The following C9orf85 variants were observed in gnomAD, a reference collection of about 807,000 sequenced individuals.
The protein encoded by C9orf85 is chromosome 9 open reading frame 85, also known as uncharacterized protein C9orf85.
Under a neutral mutation model 14.9 loss-of-function variants are expected in C9orf85, and 16 were observed. The ratio of observed to expected loss-of-function variants is 1.08; its 90% CI spans 0.73 to 1.63. The LOEUF is 1.63. C9orf85 is among the 40% of genes most tolerant of loss of function. C9orf85 has a pLI of 0.00. For missense variants in C9orf85, 172 were observed against 186.1 expected (o/e 0.92, Z 0.44); for synonymous variants, 45 against 56.8 (o/e 0.79, Z 0.93).
intron 2 of C9orf85, among the ~76,000 whole-genome samples, chr9:71,966,513 C>T (rs1034419175): frequency 1.3e-5 from 2 of 151,934 alleles, no homozygotes; most frequent in Non-Finnish European, 2.9e-5. Flanking sequence ...AATTTTTCCC[C>T]TGAAGTTTTG....
chr9:71,975,836 A>G (rs1824636362), downstream of C9orf85, among the ~76,000 whole-genome samples: 1 of 152,246 alleles, frequency 6.6e-6, no homozygotes, highest in African/African-American at 2.4e-5. Flanking sequence ...CTGTCTCAAA[A>G]GAAATAAATT....
intron 1 of C9orf85, among the ~76,000 whole-genome samples, chr9:71,920,670 C>T (rs1183791883): frequency 2.6e-5 from 4 of 152,180 alleles, no homozygotes; most frequent in African/African-American, 9.7e-5. Flanking sequence ...CAGAACACCC[C>T]AGCTGCCAGC....
intron 1 of C9orf85, among the ~76,000 whole-genome samples, chr9:71,922,300 T>G (rs991478883): frequency 3.3e-5 from 5 of 152,184 alleles, no homozygotes; most frequent in Non-Finnish European, 7.3e-5. Flanking sequence ...CTATTTGGTT[T>G]GTACATACCC....
chr9:71,946,869 C>A, intron 1 of C9orf85, 137 bp from the exon 2 acceptor site: 1 of 503,550 alleles, frequency 2.0e-6, no homozygotes, highest in Admixed American at 3.5e-5. Flanking sequence ...CATAAAAATA[C>A]ATAATATATC....
intron 2 of C9orf85, among the ~76,000 whole-genome samples, chr9:71,964,005 GTC>G (rs1268607524): frequency 6.6e-6 from 1 of 152,192 alleles, no homozygotes; most frequent in Admixed American, 6.5e-5. Context: ...GGGCTCCTGA[GTC>G]TGGTGGGGAC....
chr9:71,911,941 A>C (rs1385849482), intron 1 of C9orf85, 105 bp downstream of exon 1: 1 of 976,014 alleles, frequency 1.0e-6, no homozygotes, highest in Non-Finnish European at 1.7e-6. Flanking sequence ...TGTGGACCGC[A>C]GCCCAGAGTT....
intron 3 of C9orf85, among the ~76,000 whole-genome samples, chr9:71,981,458 T>G (rs1376745548): frequency 6.6e-6 from 1 of 152,232 alleles, no homozygotes; most frequent in Non-Finnish European, 1.5e-5. Context: ...ATTTTTCTTT[T>G]CTTGGTTCAC....
Position 71,911,711 on chromosome 9 carries a change from C to T in C9orf85, c.-24C>T. 6.2e-7 allele frequency: 1 copy of T among 1,604,736 alleles called. No individual in the cohort carries two copies. Among genetic ancestry groups the T allele is most frequent in the Non-Finnish European group, 8.5e-7 (1 of 1,171,512 alleles). On this transcript the variant is annotated 5_prime_UTR_variant, in exon 1 of 4. Transcript: ENST00000334731. ...CCCTCATCCTTTTGCCTGCTCCCGG[C>T]GAGGGGTGGCTTTGATTTCGGCGAT...
At chr9:71,977,748 A>T (rs553191375), downstream of C9orf85, among the ~76,000 whole-genome samples, 8 of 152,074 alleles carry the variant, frequency 5.3e-5, no homozygotes, top group African/African-American at 1.9e-4. Context: ...GTGGCATAGA[A>T]TTTTTTTCTC....
At chr9:71,928,258 C>G (rs1369805484) in intron 1 of C9orf85, among the ~76,000 whole-genome samples, 2 of 151,048 alleles carry the variant, frequency 1.3e-5, no homozygotes, top group Admixed American at 1.3e-4. Flanking sequence ...GTCAATTAGC[C>G]CTGTATCTAT....
At chr9:71,913,980 A>G (rs1261792005) in intron 1 of C9orf85, among the ~76,000 whole-genome samples, 1 of 152,238 alleles carries the variant, frequency 6.6e-6, no homozygotes, top group African/African-American at 2.4e-5. Context: ...AGGTTCTGAC[A>G]AAAACAACAC....
chr9:71,931,809 A>G (rs555801435), intron 1 of C9orf85, among the ~76,000 whole-genome samples: 179 of 152,348 alleles, frequency 1.2e-3, no homozygotes, highest in African/African-American at 3.9e-3. Context: ...TGTTTAAACT[A>G]TAAGAATCAT....
intron 1 of C9orf85, among the ~76,000 whole-genome samples, chr9:71,926,634 GAAAA>G (rs58407244): frequency 1.9e-4 from 22 of 115,830 alleles, no homozygotes; most frequent in East Asian, 2.6e-4. Context: ...CACTGCTGTT[GAAAA>G]AAAAAAAAAA....
At chr9:71,946,963 TCA>T (rs1402115735) in intron 1 of C9orf85, 41 bp from the exon 2 acceptor site, 6 of 1,381,284 alleles carry the variant, frequency 4.3e-6, no homozygotes, top group Middle Eastern at 3.9e-4. Flanking sequence ...CAATGCTGGC[TCA>T]CGCGTGAAAT....
intron 1 of C9orf85, among the ~76,000 whole-genome samples, chr9:71,929,471 G>A (rs2132271595): frequency 6.6e-6 from 1 of 152,184 alleles, no homozygotes; most frequent in South Asian, 2.1e-4. Context: ...TACATAGGTT[G>A]GCCCATATTG....
chr9:71,918,357 T>C (rs1680371579), intron 1 of C9orf85: 7 of 929,716 alleles, frequency 7.5e-6, no homozygotes, highest in East Asian at 6.4e-5. Context: ...CTAACAGATA[T>C]TGAATATCTC....
At chr9:71,924,744 T>C (rs2132261497) in intron 1 of C9orf85, among the ~76,000 whole-genome samples, 1 of 152,348 alleles carries the variant, frequency 6.6e-6, no homozygotes, top group East Asian at 1.9e-4. Flanking sequence ...ATTTGAGTAA[T>C]ATATTTGACA....
chr9:71,956,664 G>A (rs7022432), intron 2 of C9orf85, among the ~76,000 whole-genome samples: 4,828 of 152,062 alleles, frequency 0.032, 276 homozygotes, highest in African/African-American at 0.11. Flanking sequence ...TATGTTTATA[G>A]GAGCATTTCA....
chr9:71,929,671 T>C (rs1828024765), intron 1 of C9orf85, among the ~76,000 whole-genome samples: 1 of 152,030 alleles, frequency 6.6e-6, no homozygotes, highest in Non-Finnish European at 1.5e-5. Context: ...CTAATGTTAT[T>C]CTAGGAACAA....
Sources: allele counts gnomAD v4.1 joint callset (sites outside exome capture counted in the v4.1 genomes callset), GRCh38; gene constraint gnomAD v4.1.1; transcripts MANE v1.5; gene names NCBI Gene and HGNC (gene_info 2026-07-23, HGNC 2026-07-21).